RBM46: variants seen among roughly 807,000 people sequenced by gnomAD.
RBM46 encodes probable RNA-binding protein 46.
In RBM46, 12 loss-of-function variants were observed where a neutral mutation model predicts 43.3. That is an observed-to-expected ratio of 0.28 (90% CI 0.18 to 0.45). The LOEUF is 0.45. RBM46 is among the 20% of genes least tolerant of loss of function. The probability of loss-of-function intolerance (pLI) is 1.00; values close to 1 mark genes in which losing one functional copy is unlikely to be tolerated. For missense variants in RBM46, 412 were observed against 639.1 expected (o/e 0.64, Z 3.83); for synonymous variants, 205 against 207.6 (o/e 0.99, Z 0.11).
intron 4 of RBM46, among the ~76,000 whole-genome samples, chr4:154,807,978 T>A (rs1734987070): frequency 6.6e-6 from 1 of 151,920 alleles, no homozygotes; most frequent in South Asian, 2.1e-4. Flanking sequence ...CTAAATAAAT[T>A]TAGTTTGCCT....
chr4:154,790,662 A>T (rs1382779355), intron 1 of RBM46, among the ~76,000 whole-genome samples: 1 of 152,240 alleles, frequency 6.6e-6, no homozygotes. Flanking sequence ...GACAATGCAG[A>T]ATTCTATTAC....
At chr4:154,801,813 G>A (rs156591) in intron 4 of RBM46, among the ~76,000 whole-genome samples, 69,291 of 151,946 alleles carry the variant, frequency 0.46, 16,305 homozygotes, top group Admixed American at 0.59. Context: ...TAACTATATA[G>A]CATAGTTAAA....
At chr4:154,797,723 C>A (rs570084208) in intron 2 of RBM46, 88 bp from the exon 3 acceptor site, 2 of 904,102 alleles carry the variant, frequency 2.2e-6, no homozygotes, top group Non-Finnish European at 3.3e-6. Context: ...GCACATAGCA[C>A]AGCAAATTTG....
At chr4:154,797,790 C>T (rs765693190) in intron 2 of RBM46, 21 bp from the exon 3 acceptor site, 1 of 1,430,436 alleles carries the variant, frequency 7.0e-7, no homozygotes, top group South Asian at 1.4e-5. Context: ...ATTTATGTGT[C>T]TTTTCATTTT....
intron 4 of RBM46, among the ~76,000 whole-genome samples, chr4:154,825,755 C>A (rs1044852160): frequency 2.0e-5 from 3 of 152,160 alleles, no homozygotes; most frequent in Non-Finnish European, 2.9e-5. Flanking sequence ...TTTCTGAAAT[C>A]TTTCCCTGAA....
Position 154,796,904 on chromosome 4 carries a change from GTGTGGATT to G in RBM46, c.151+5_151+12del. 1 of 1,611,130 alleles carries G rather than the reference GTGTGGATT, an allele frequency of 6.2e-7. No individual in the cohort carries two copies. On this transcript the variant is annotated splice_donor_variant and splice_donor_5th_base_variant and intron_variant, in intron 2 of 4. Transcript: ENST00000281722. LOFTEE classifies it high-confidence loss of function. Reference sequence around the variant, plus strand: ...AGGAAATTTGGCGGTCCTCCTCCAGGTGTGGATTTGTTTACAGTCTTTTAAATTTAATC... The same window carrying G: ...AGGAAATTTGGCGGTCCTCCTCCAGGTGTTTACAGTCTTTTAAATTTAATC...
intron 1 of RBM46, among the ~76,000 whole-genome samples, chr4:154,788,405 G>T (rs1733897456): frequency 6.6e-6 from 1 of 152,106 alleles, no homozygotes; most frequent in Non-Finnish European, 1.5e-5. Flanking sequence ...TTCTCCATAT[G>T]GCTAGCCAGT....
intron 4 of RBM46, among the ~76,000 whole-genome samples, chr4:154,823,666 AAT>A (rs1735824164): frequency 6.6e-6 from 1 of 151,988 alleles, no homozygotes; most frequent in Admixed American, 6.6e-5. Flanking sequence ...ACATTGAAGC[AAT>A]ATATCTATCC....
chr4:154,812,033 T>C (rs561658274), intron 4 of RBM46, among the ~76,000 whole-genome samples: 13 of 151,776 alleles, frequency 8.6e-5, no homozygotes, highest in Non-Finnish European at 1.9e-4. Context: ...TTTTTTTTTT[T>C]TAACAAACAG....
intron 4 of RBM46, among the ~76,000 whole-genome samples, chr4:154,814,921 A>G (rs1031796686): frequency 6.6e-6 from 1 of 151,848 alleles, no homozygotes; most frequent in African/African-American, 2.4e-5. Flanking sequence ...AATTCAGTAA[A>G]TTACCATGAG....
intron 1 of RBM46, among the ~76,000 whole-genome samples, chr4:154,788,363 A>G (rs1328020889): frequency 1.3e-5 from 2 of 152,204 alleles, no homozygotes; most frequent in Non-Finnish European, 2.9e-5. Context: ...TAATTTTTAT[A>G]TAAGGTGTAA....
intron 4 of RBM46, among the ~76,000 whole-genome samples, chr4:154,809,659 C>G (rs1019202875): frequency 6.6e-6 from 1 of 152,110 alleles, no homozygotes; most frequent in African/African-American, 2.4e-5. Context: ...CTCCTCCACT[C>G]AATTTCTTAA....
chr4:154,796,983 C>G lies in RBM46; in HGVS notation c.151+80C>G, dbSNP rs537629041. ...TAGATGTGTATCCCCACAAGTATTC[C>G]AAACAATAGCTCTCTCCTTGTAACT... On this transcript the variant is annotated intron_variant, in intron 2 of 4. Transcript: ENST00000281722. The G allele has an allele frequency of 1.7e-4, 198 of 1,173,698 alleles. 2 individuals carry two copies. In the Admixed American group the frequency reaches 2.4e-3, roughly 14 times the overall value. 72.7% of individuals were successfully genotyped at this position (1,173,698 alleles called of 1,614,324 possible). A position where few individuals can be genotyped will look rare whatever the true frequency, so the allele number is the denominator to read the frequency against.
intron 4 of RBM46, among the ~76,000 whole-genome samples, chr4:154,812,762 C>T (rs939248728): frequency 5.9e-5 from 9 of 152,074 alleles, no homozygotes; most frequent in Non-Finnish European, 1.2e-4. Flanking sequence ...ACTGTTTGGC[C>T]CCACTTAACC....
At chr4:154,825,104 A>G (rs947632571) in intron 4 of RBM46, among the ~76,000 whole-genome samples, 1 of 152,144 alleles carries the variant, frequency 6.6e-6, no homozygotes, top group African/African-American at 2.4e-5. Flanking sequence ...TTGGCTCTGT[A>G]TCATTCCTTA....
intron 4 of RBM46, among the ~76,000 whole-genome samples, chr4:154,802,248 G>A (rs1163188759): frequency 6.6e-6 from 1 of 152,150 alleles, no homozygotes; most frequent in African/African-American, 2.4e-5. Flanking sequence ...AGCTGAGAAG[G>A]AGAAAGAGAA....
chr4:154,788,599 G>A (rs1400728246), intron 1 of RBM46, among the ~76,000 whole-genome samples: 2 of 152,030 alleles, frequency 1.3e-5, no homozygotes, highest in African/African-American at 4.8e-5. Context: ...GCCTTATATA[G>A]TTTGAAGTCA....
chr4:154,783,855 T>C (rs1273408565), intron 1 of RBM46, among the ~76,000 whole-genome samples: 1 of 152,260 alleles, frequency 6.6e-6, no homozygotes, highest in East Asian at 1.9e-4. Context: ...CTGATCCATC[T>C]GTACACTTAT....
chr4:154,814,531 T>C (rs1209308072), intron 4 of RBM46, among the ~76,000 whole-genome samples: 2 of 152,008 alleles, frequency 1.3e-5, no homozygotes, highest in African/African-American at 4.8e-5. Flanking sequence ...TTAATTCTTA[T>C]ACATTGGTAA....
Sources: allele counts gnomAD v4.1 joint callset (sites outside exome capture counted in the v4.1 genomes callset), GRCh38; gene constraint gnomAD v4.1.1; transcripts MANE v1.5; gene names NCBI Gene and HGNC (gene_info 2026-07-23, HGNC 2026-07-21).